TRRAP: variants seen among roughly 807,000 people sequenced by gnomAD.
The protein encoded by TRRAP is transformation/transcription domain-associated protein.
A neutral mutation model predicts 438.8 loss-of-function variants in TRRAP; 41 were observed. The ratio of observed to expected loss-of-function variants is 0.09; its 90% CI spans 0.07 to 0.12. The LOEUF (loss-of-function observed/expected upper bound fraction) is 0.12. Among genes scored for constraint, TRRAP ranks in the 10% least tolerant of loss-of-function variants. TRRAP has a pLI of 1.00. For synonymous variants in TRRAP, 1,994 were observed against 1,962.9 expected, an observed-to-expected ratio of 1.02 and a Z score of -0.42; for missense variants, 3,122 against 5,055.1, an observed-to-expected ratio of 0.62 and a Z score of 11.60.
At chr7:98,973,082 C>T (rs1181325722) in intron 53 of TRRAP, among the ~76,000 whole-genome samples, 2 of 152,094 alleles carry the variant, frequency 1.3e-5, no homozygotes, top group East Asian at 1.9e-4. Flanking sequence ...CAGGTTCTAG[C>T]GATTCTCCTG....
chr7:98,942,125 G>A (rs561144129), intron 30 of TRRAP, among the ~76,000 whole-genome samples: 3 of 152,344 alleles, frequency 2.0e-5, no homozygotes, highest in East Asian at 1.9e-4. Context: ...CACAGAGGCT[G>A]GAGCCTGGCT....
intron 58 of TRRAP, 41 bp downstream of exon 58, chr7:98,978,945 C>G: frequency 6.2e-7 from 1 of 1,609,648 alleles, no homozygotes; most frequent in South Asian, 1.1e-5. Flanking sequence ...GCCTGGGTCC[C>G]TTTTCCTGAA....
chr7:98,913,383 G>A (rs537687312), intron 18 of TRRAP, among the ~76,000 whole-genome samples: 12 of 151,824 alleles, frequency 7.9e-5, no homozygotes, highest in Non-Finnish European at 1.3e-4. Flanking sequence ...TCTGCCTCCC[G>A]GGTCAAGCAA....
intron 56 of TRRAP, among the ~76,000 whole-genome samples, chr7:98,977,288 A>G (rs184695293): frequency 3.2e-4 from 48 of 152,186 alleles, no homozygotes; most frequent in African/African-American, 1.0e-3. Flanking sequence ...CAGCCTCCCA[A>G]GTAGCTGGGA....
intron 27 of TRRAP, among the ~76,000 whole-genome samples, chr7:98,934,939 T>TTA (rs782469049): frequency 3.9e-5 from 6 of 152,152 alleles, no homozygotes; most frequent in Non-Finnish European, 7.4e-5. Context: ...TGGAATCTTT[T>TTA]AAGGGGGAAA....
At position 98,956,266 on chromosome 7, in the gene TRRAP, G is replaced by A. The variant is rs782011766; in HGVS notation, c.6058G>A (p.Val2020Ile). 18 of 1,614,096 alleles carry A rather than the reference G, an allele frequency of 1.1e-5. No homozygotes were observed. Among genetic ancestry groups the A allele is most frequent in the South Asian group, 1.1e-4 (10 of 91,086 alleles). ...GCTGGCCGTGGACCTGTCTGAAGTC[G>A]TCATCAAGTGGGAGCTGCAGAGGAT... Reference protein sequence around the residue: ...RRLAVDLSEVVIKWELQRIKD... With the variant: ...RRLAVDLSEVIIKWELQRIKD... Residue 2020 changes from valine (V) to isoleucine (I), a missense_variant, in exon 42 of 73, where the codon GTC (valine) becomes ATC (isoleucine). Transcript: ENST00000456197. The surrounding 1 kb of genome is among the most constrained non-coding windows in gnomAD (Gnocchi z 4.5).
chr7:98,926,089 G>A (rs1315975543), intron 22 of TRRAP, among the ~76,000 whole-genome samples: 2 of 152,140 alleles, frequency 1.3e-5, no homozygotes, highest in African/African-American at 4.8e-5. Flanking sequence ...GAACCTTTAA[G>A]AAGTTGTCGA....
At position 98,948,628 on chromosome 7, in the gene TRRAP, G is replaced by A. The variant is rs782745510; in HGVS notation, c.4731G>A (p.Val1577=). 4 of 1,614,196 alleles carry A rather than the reference G, an allele frequency of 2.5e-6. No homozygotes were observed. In the Admixed American group the frequency reaches 6.7e-5, roughly 27 times the overall value. The part of the protein sequence containing the change: ...KFLTRHPSQT[V]ELFMMEATLN... ...TGACTCGACATCCCTCGCAGACAGT[G>A]GAGCTGTTCATGATGGAAGCCACAC... The change falls in exon 35 of 73, where the codon GTG becomes GTA. Residue 1577 remains valine (V), a synonymous_variant. Coordinates refer to ENST00000456197, the MANE Select transcript of TRRAP (RefSeq NM_001375524.1). This position sits in a 1 kb window ranked among gnomAD's most constrained non-coding sequence, Gnocchi z 4.9.
At chr7:98,889,482 G>A (rs1443844762) in intron 3 of TRRAP, among the ~76,000 whole-genome samples, 1 of 151,638 alleles carries the variant, frequency 6.6e-6, no homozygotes, top group Non-Finnish European at 1.5e-5. Context: ...TACTTCCTAA[G>A]TGGGACCCAG....
In TRRAP at chr7:98,885,667, AAT is replaced by A. The variant is rs112055398; in HGVS notation, c.150+3660_150+3661del. 9.6e-4 allele frequency among the ~76,000 whole-genome samples: 143 copies of A among 148,708 alleles called. 1 individual carries two copies. Among genetic ancestry groups the A allele is most frequent in the African/African-American group, 2.0e-3 (83 of 40,800 alleles). On this transcript the variant is annotated intron_variant, in intron 3 of 72. Coordinates refer to ENST00000456197, the MANE Select transcript of TRRAP (RefSeq NM_001375524.1). ...CAAGCTGCTAAAACAAGCTGTTTAA[AAT>A]ATATATATATATATATGAAGAGGTG...
chr7:98,953,496 C>T (rs1438103186), intron 40 of TRRAP, 63 bp downstream of exon 40: 2 of 1,580,628 alleles, frequency 1.3e-6, no homozygotes, highest in Non-Finnish European at 1.7e-6. Context: ...GCACTTGGCT[C>T]CCTGGTGCAG....
intron 69 of TRRAP, among the ~76,000 whole-genome samples, chr7:99,006,806 A>G (rs567366155): frequency 6.6e-6 from 1 of 152,352 alleles, no homozygotes; most frequent in South Asian, 2.1e-4. Flanking sequence ...CCCTGAACCT[A>G]GTATCTTCAC....
At chr7:98,882,463 A>G (rs1352410950) in intron 3 of TRRAP, among the ~76,000 whole-genome samples, 1 of 151,082 alleles carries the variant, frequency 6.6e-6, no homozygotes, top group African/African-American at 2.4e-5. Flanking sequence ...TCCGGGTTCA[A>G]GCAATTCTCC....
chr7:98,977,126 A>G (rs771941401), intron 56 of TRRAP, 50 bp downstream of exon 56: 3 of 1,605,536 alleles, frequency 1.9e-6, no homozygotes, highest in South Asian at 1.1e-5. Context: ...GAGGTCATTT[A>G]TAACGGTTCT....
chr7:98,888,042 A>C (rs1795792145), intron 3 of TRRAP, among the ~76,000 whole-genome samples: 1 of 152,122 alleles, frequency 6.6e-6, no homozygotes, highest in Non-Finnish European at 1.5e-5. Flanking sequence ...CATCTTGGCT[A>C]ACACGGTGAA....
chr7:98,945,497 T>G (rs1554416577), intron 31 of TRRAP, among the ~76,000 whole-genome samples: 2 of 152,234 alleles, frequency 1.3e-5, no homozygotes, highest in African/African-American at 4.8e-5. Context: ...CCTGAAACCC[T>G]ATTTTGAAAA....
In TRRAP at chr7:98,994,534, G is replaced by C. The variant is rs1356456919; in HGVS notation, c.10048-53G>C. The C allele has an allele frequency of 6.2e-7, 1 of 1,607,778 alleles. No homozygotes were observed. The highest frequency in any genetic ancestry group is 8.5e-7 in the Non-Finnish European group (1 of 1,176,616). On this transcript the variant is annotated intron_variant, in intron 66 of 72. Coordinates refer to ENST00000456197, the MANE Select transcript of TRRAP (RefSeq NM_001375524.1). This position sits in a 1 kb window ranked among gnomAD's most constrained non-coding sequence, Gnocchi z 4.8. ...ACTCAATAGGCGCTTTTGGCTGCTG[G>C]TTCTGGAGTGGAGGGCTGTGTTTGT...
rs1401255101 is a variant in TRRAP, at chr7:98,983,399, G to A, written c.8962G>A (p.Val2988Met). Reference protein sequence around the residue: ...VKTWRNRLPIVSDDLSHWSSI... With the variant: ...VKTWRNRLPIMSDDLSHWSSI... ...GACCTGGAGGAACCGACTGCCCATC[G>A]TGTCTGACGACTTGTCCCACTGGAG... Residue 2988 changes from valine (V) to methionine (M), a missense_variant, in exon 60 of 73, where the codon GTG (valine) becomes ATG (methionine). Coordinates refer to ENST00000456197, the MANE Select transcript of TRRAP (RefSeq NM_001375524.1). 5.6e-6 allele frequency: 9 copies of A among 1,614,090 alleles called. No homozygotes were observed. Among genetic ancestry groups the A allele is most frequent in the South Asian group, 2.2e-5 (2 of 91,084 alleles).
In TRRAP at chr7:99,011,511, G is replaced by T. The variant is rs138339697; in HGVS notation, c.11313G>T (p.Arg3771=). 681 of 1,614,062 alleles carry T rather than the reference G, an allele frequency of 4.2e-4. 1 individual carries two copies. The highest frequency in any genetic ancestry group is 6.3e-4 in the Admixed American group (38 of 60,000). ...PLTASMIAVA[R]CFAQPNFKVD... is the part of the protein sequence containing the mutation. ...CAGCGTCCATGATTGCGGTCGCCCG[G>T]TGCTTCGCCCAGCCAAACTTTAAGG... Residue 3771 remains arginine, a synonymous_variant, in exon 72 of 73, where the codon CGG becomes CGT. Coordinates refer to ENST00000456197, the MANE Select transcript of TRRAP (RefSeq NM_001375524.1). This position sits in a 1 kb window ranked among gnomAD's most constrained non-coding sequence, Gnocchi z 7.1.
Sources: gnomAD v4.1 joint callset for allele counts (sites outside exome capture counted in the v4.1 genomes callset) on GRCh38, gnomAD v4.1.1 for gene constraint, Gnocchi (gnomAD v3.1) non-coding constraint, MANE v1.5 for transcripts, NCBI Gene and HGNC (gene_info 2026-07-23, HGNC 2026-07-21) for gene names.